The following SPAG16 variants were observed in gnomAD, a reference collection of about 807,000 sequenced individuals.
SPAG16 encodes the protein sperm-associated antigen 16 protein.
Under a neutral mutation model 80.4 loss-of-function variants are expected in SPAG16, and 86 were observed. That is an observed-to-expected ratio of 1.07 (90% CI 0.90 to 1.28). The LOEUF is 1.28. SPAG16 is among the 50% of genes most tolerant of loss of function. The probability of loss-of-function intolerance (pLI) is 0.00; values close to 1 mark genes in which losing one functional copy is unlikely to be tolerated. For synonymous variants in SPAG16, 294 were observed against 265.9 expected (o/e 1.11, Z -1.03); for missense variants, 870 against 765.3 (o/e 1.14, Z -1.61).
intron 1 of SPAG16, among the ~76,000 whole-genome samples, chr2:213,288,050 T>C (rs1330459439): frequency 6.6e-6 from 1 of 152,132 alleles, no homozygotes; most frequent in Admixed American, 6.6e-5. Context: ...GGACTGCAGA[T>C]GTGCGGCACC....
intron 15 of SPAG16, among the ~76,000 whole-genome samples, chr2:214,159,511 G>A (rs1261717352): frequency 6.6e-6 from 1 of 151,936 alleles, no homozygotes; most frequent in Non-Finnish European, 1.5e-5. Flanking sequence ...TTCAACAGAT[G>A]TGCAAATCAA....
intron 13 of SPAG16, among the ~76,000 whole-genome samples, chr2:214,097,734 G>A (rs1033920600): frequency 3.3e-5 from 5 of 151,906 alleles, no homozygotes; most frequent in African/African-American, 4.8e-5. Context: ...CTAATTCATC[G>A]TTGTGGTTAT....
At chr2:213,946,942 A>G (rs2079504918) in intron 12 of SPAG16, among the ~76,000 whole-genome samples, 1 of 152,242 alleles carries the variant, frequency 6.6e-6, no homozygotes. Flanking sequence ...TAATAGAATC[A>G]TATAGTATGT....
At chr2:213,644,661 C>A (rs970753767) in intron 10 of SPAG16, among the ~76,000 whole-genome samples, 1 of 152,204 alleles carries the variant, frequency 6.6e-6, no homozygotes, top group Non-Finnish European at 1.5e-5. Context: ...CAGGGAGACA[C>A]TCTTGTTCTC....
chr2:213,920,868 G>T (rs1588454), intron 11 of SPAG16, among the ~76,000 whole-genome samples: 52,029 of 152,108 alleles, frequency 0.34, 9,357 homozygotes, highest in South Asian at 0.47. Flanking sequence ...GCATCAGCTG[G>T]CATGCTGCCC....
chr2:213,573,515 A>G (rs1337530997), intron 10 of SPAG16, among the ~76,000 whole-genome samples: 2 of 152,192 alleles, frequency 1.3e-5, no homozygotes, highest in African/African-American at 2.4e-5. Flanking sequence ...ATTTTGGTAA[A>G]CAGTAGCTAC....
intron 9 of SPAG16, 126 bp from the exon 10 acceptor site, chr2:213,489,837 A>G (rs1439753722): frequency 4.5e-6 from 3 of 670,426 alleles, no homozygotes; most frequent in Non-Finnish European, 4.4e-6. Context: ...ATTGGAAATG[A>G]AGGACTTCAT....
intron 10 of SPAG16, among the ~76,000 whole-genome samples, chr2:213,788,249 AT>A (rs1240532584): frequency 3.9e-5 from 6 of 151,970 alleles, no homozygotes; most frequent in African/African-American, 1.4e-4. Context: ...AAGCAGCTGA[AT>A]TTTATATAGT....
intron 3 of SPAG16, among the ~76,000 whole-genome samples, chr2:213,305,764 C>T (rs557234450): frequency 4.5e-4 from 69 of 152,038 alleles, no homozygotes; most frequent in African/African-American, 1.5e-3. Context: ...TTGGCTAATA[C>T]GGTGTTGAGG....
intron 13 of SPAG16, among the ~76,000 whole-genome samples, chr2:214,025,242 G>T (rs1037791186): frequency 7.9e-5 from 12 of 151,580 alleles, no homozygotes; most frequent in Admixed American, 2.0e-4. Flanking sequence ...TAATGAGATT[G>T]AATAATTCCA....
chr2:214,321,652 G>A (rs1427754662), intron 15 of SPAG16, among the ~76,000 whole-genome samples: 2 of 152,150 alleles, frequency 1.3e-5, no homozygotes, highest in Non-Finnish European at 2.9e-5. Flanking sequence ...TTATTTTAGT[G>A]TACAGAAATA....
intron 10 of SPAG16, among the ~76,000 whole-genome samples, chr2:213,698,228 T>C (rs904546371): frequency 3.3e-5 from 5 of 152,128 alleles, no homozygotes; most frequent in African/African-American, 7.2e-5. Context: ...CATGGCTTTT[T>C]CTTGGTGCAA....
At chr2:213,915,882 C>CT (rs1303171658) in intron 11 of SPAG16, among the ~76,000 whole-genome samples, 1 of 152,154 alleles carries the variant, frequency 6.6e-6, no homozygotes, top group Non-Finnish European at 1.5e-5. Flanking sequence ...TGATGACGAG[C>CT]TTTTTTTCAT....
chr2:213,697,742 C>T (rs2065220814), intron 10 of SPAG16, among the ~76,000 whole-genome samples: 1 of 152,274 alleles, frequency 6.6e-6, no homozygotes, highest in Non-Finnish European at 1.5e-5. Context: ...TACTTCATTC[C>T]TTTCCTTTGT....
At chr2:213,901,760 CA>C (rs1169486572) in intron 11 of SPAG16, among the ~76,000 whole-genome samples, 3 of 152,040 alleles carry the variant, frequency 2.0e-5, no homozygotes, top group Non-Finnish European at 4.4e-5. Flanking sequence ...ACCCAAGCAG[CA>C]GACAAGAAGT....
intron 10 of SPAG16, among the ~76,000 whole-genome samples, chr2:213,552,822 G>A (rs914227156): frequency 2.0e-5 from 3 of 152,164 alleles, no homozygotes; most frequent in South Asian, 2.1e-4. Context: ...GCAGAGGAAC[G>A]TGGAAGGACT....
At chr2:214,287,364 T>C (rs1009051067) in intron 15 of SPAG16, among the ~76,000 whole-genome samples, 20 of 152,238 alleles carry the variant, frequency 1.3e-4, no homozygotes, top group African/African-American at 4.8e-4. Flanking sequence ...TGAAATAAAA[T>C]ATAAGCTGAC....
chr2:214,276,725 T>G (rs1446794129), intron 15 of SPAG16, among the ~76,000 whole-genome samples: 2 of 152,164 alleles, frequency 1.3e-5, no homozygotes, highest in African/African-American at 4.8e-5. Flanking sequence ...CCCTTAACAT[T>G]TTTTCCTTCA....
chr2:213,887,193 C>T (rs78159700), intron 11 of SPAG16, among the ~76,000 whole-genome samples: 1,582 of 152,158 alleles, frequency 0.01, 36 homozygotes, highest in African/African-American at 0.035. Flanking sequence ...ATACTTTTAA[C>T]TAAACTATAG....
Sources: gnomAD v4.1 joint callset for allele counts (sites outside exome capture counted in the v4.1 genomes callset) on GRCh38, gnomAD v4.1.1 for gene constraint, MANE v1.5 for transcripts, NCBI Gene and HGNC (gene_info 2026-07-23, HGNC 2026-07-21) for gene names.